The following DNASE1L3 variants were observed in gnomAD, a reference collection of about 807,000 sequenced individuals.
The protein encoded by DNASE1L3 is deoxyribonuclease 1L3.
A neutral mutation model predicts 30.9 loss-of-function variants in DNASE1L3; 27 were observed. The observed-to-expected ratio is 0.87, with a 90% CI of 0.64 to 1.20. The LOEUF (loss-of-function observed/expected upper bound fraction) is 1.20. DNASE1L3 is among the 50% of genes most tolerant of loss of function. DNASE1L3 has a pLI of 0.00. For missense variants in DNASE1L3, 364 were observed against 378.2 expected (o/e 0.96, Z 0.31); for synonymous variants, 135 against 138.0 (o/e 0.98, Z 0.15).
intron 5 of DNASE1L3, among the ~76,000 whole-genome samples, chr3:58,198,416 G>A (rs753929308): frequency 6.2e-4 from 94 of 152,296 alleles, no homozygotes; most frequent in South Asian, 1.4e-3. Context: ...CCTCCAGAAC[G>A]GTGACGAACT....
chr3:58,195,969 A>C (rs2097397075), intron 6 of DNASE1L3, among the ~76,000 whole-genome samples: 2 of 152,198 alleles, frequency 1.3e-5, no homozygotes, highest in South Asian at 4.1e-4. Context: ...TCTACCCCTG[A>C]CCTGATCTAC....
At chr3:58,195,545 A>T (rs1217979553) in intron 6 of DNASE1L3, among the ~76,000 whole-genome samples, 1 of 145,626 alleles carries the variant, frequency 6.9e-6, no homozygotes, top group Non-Finnish European at 1.5e-5. Context: ...AAGCAGGCGG[A>T]TCACCTGAGG....
chr3:58,208,676 T>C (rs773242873), intron 1 of DNASE1L3, among the ~76,000 whole-genome samples: 1 of 152,148 alleles, frequency 6.6e-6, no homozygotes, highest in Non-Finnish European at 1.5e-5. Flanking sequence ...ATTAAGCCCT[T>C]AGTAAGCAAA....
At chr3:58,193,075 C>CTTTTT (rs11289117) in intron 7 of DNASE1L3, 24 of 1,273,142 alleles carry the variant, frequency 1.9e-5, no homozygotes, top group Middle Eastern at 2.9e-4. Flanking sequence ...ATCAACCCAT[C>CTTTTT]TTTTTTTTTT....
In DNASE1L3 at chr3:58,192,663, G is replaced by A. The variant is rs571543105; in HGVS notation, c.*24C>T. The A allele has an allele frequency of 1.2e-6, 2 of 1,602,328 alleles. No homozygotes were observed. The highest frequency in any genetic ancestry group is 1.7e-5 in the Admixed American group (1 of 57,782). On this transcript the variant is annotated 3_prime_UTR_variant, in exon 8 of 8. Coordinates refer to ENST00000394549, the MANE Select transcript of DNASE1L3 (RefSeq NM_004944.4). The surrounding 1 kb of genome is among the most constrained non-coding windows in gnomAD (Gnocchi z 4.8). Reference sequence around the variant, plus strand: ...ACATTTTATTTAGAGGCAAGAAATGGTTAATAAGATGAGACCCTTGGGTCT... The same window carrying A: ...ACATTTTATTTAGAGGCAAGAAATGATTAATAAGATGAGACCCTTGGGTCT...
intron 1 of DNASE1L3, among the ~76,000 whole-genome samples, chr3:58,210,272 GAAAA>G (rs2097406912): frequency 6.6e-6 from 1 of 151,730 alleles, no homozygotes; most frequent in Non-Finnish European, 1.5e-5. Flanking sequence ...GAGAAAGAAA[GAAAA>G]GAAAGAAAGA....
intron 6 of DNASE1L3, among the ~76,000 whole-genome samples, chr3:58,196,986 A>C (rs571524869): frequency 6.6e-6 from 1 of 152,342 alleles, no homozygotes; most frequent in South Asian, 2.1e-4. Context: ...GAGGATATTG[A>C]TTTTAGCAGT....
At position 58,195,359 on chromosome 3, in the gene DNASE1L3, G is replaced by A. The variant is rs573668719; in HGVS notation, c.705-1920C>T. On this transcript the variant is annotated intron_variant, in intron 6 of 7. Coordinates refer to ENST00000394549, the MANE Select transcript of DNASE1L3 (RefSeq NM_004944.4). ...GAGTGCCGTGGCTATTCACAGGCATGTGATCATGTTGCTCTAAAGCCTTGA... is the reference window on the plus strand; with the variant it reads ...GAGTGCCGTGGCTATTCACAGGCATATGATCATGTTGCTCTAAAGCCTTGA... Among the ~76,000 whole-genome samples, 5 of 152,198 alleles carry A rather than the reference G, an allele frequency of 3.3e-5. No homozygotes were observed. The East Asian group carries it at 7.7e-4, about 24-fold the overall frequency.
At chr3:58,203,409 T>A (rs571719421) in intron 4 of DNASE1L3, among the ~76,000 whole-genome samples, 20 of 152,202 alleles carry the variant, frequency 1.3e-4, no homozygotes, top group Non-Finnish European at 2.1e-4. Context: ...TGTCACCTCC[T>A]CTGTCTTGTC....
At chr3:58,204,633 G>A (rs899938133) in intron 4 of DNASE1L3, 136 bp downstream of exon 4, 23 of 692,524 alleles carry the variant, frequency 3.3e-5, no homozygotes, top group Middle Eastern at 4.0e-4. Flanking sequence ...GAACTGCATC[G>A]TCTACATTGA....
intron 7 of DNASE1L3, chr3:58,193,030 A>G: frequency 1.4e-6 from 2 of 1,429,996 alleles, no homozygotes; most frequent in Non-Finnish European, 1.8e-6. Flanking sequence ...CTAGTGCCCA[A>G]TGTTGTGTCT....
In DNASE1L3 at chr3:58,199,050, T is replaced by C. The variant is rs376882202; in HGVS notation, c.547-1072A>G. On this transcript the variant is annotated intron_variant, in intron 5 of 7. Coordinates refer to ENST00000394549, the MANE Select transcript of DNASE1L3 (RefSeq NM_004944.4). ...AGATTTCCTTGTTTGTGCTATTGTT[T>C]GGTGGGGCATTGCTGACTTCAGAGT... is the stretch of plus-strand genomic sequence containing the variant. 3.5e-4 allele frequency among the ~76,000 whole-genome samples: 53 copies of C among 152,328 alleles called. No individual in the cohort carries two copies. The South Asian group carries it at 3.9e-3, about 11-fold the overall frequency.
At chr3:58,196,083 C>T (rs1332098509) in intron 6 of DNASE1L3, among the ~76,000 whole-genome samples, 2 of 152,162 alleles carry the variant, frequency 1.3e-5, no homozygotes, top group African/African-American at 2.4e-5. Flanking sequence ...GACCTACCCA[C>T]GGGCACACAA....
chr3:58,203,454 A>G (rs866127130), intron 4 of DNASE1L3, among the ~76,000 whole-genome samples: 1 of 152,134 alleles, frequency 6.6e-6, no homozygotes, highest in African/African-American at 2.4e-5. Flanking sequence ...CATAGTAGGT[A>G]CTGAAAAAAT....
rs1413720508 is a variant in DNASE1L3 at position 58,192,630 on chromosome 3, T to C, written c.*57A>G. ...CTAAGTACAGGGAGCAGTTCATATCTGTTAGAGACATTTTATTTAGAGGCA... is the reference window on the plus strand; with the variant it reads ...CTAAGTACAGGGAGCAGTTCATATCCGTTAGAGACATTTTATTTAGAGGCA... On this transcript the variant is annotated 3_prime_UTR_variant, in exon 8 of 8. Coordinates refer to ENST00000394549, the MANE Select transcript of DNASE1L3 (RefSeq NM_004944.4). The surrounding 1 kb of genome is among the most constrained non-coding windows in gnomAD (Gnocchi z 4.8). 1 of 1,534,910 alleles carries C rather than the reference T, an allele frequency of 6.5e-7. No homozygotes were observed. The highest frequency in any genetic ancestry group is 1.4e-5 in the African/African-American group (1 of 72,088).
chr3:58,201,948 T>G (rs2097400903), intron 4 of DNASE1L3, among the ~76,000 whole-genome samples: 1 of 152,212 alleles, frequency 6.6e-6, no homozygotes, highest in African/African-American at 2.4e-5. Flanking sequence ...AGCATTCTGT[T>G]TCTAAATAAA....
At chr3:58,206,525 G>A (rs774474848) in intron 2 of DNASE1L3, among the ~76,000 whole-genome samples, 5 of 152,208 alleles carry the variant, frequency 3.3e-5, no homozygotes, top group Non-Finnish European at 7.3e-5. Context: ...ACTGCTTGTG[G>A]TGACTCAGTT....
chr3:58,207,542 T>A (rs1315468713), intron 2 of DNASE1L3, among the ~76,000 whole-genome samples: 1 of 150,428 alleles, frequency 6.6e-6, no homozygotes, highest in Non-Finnish European at 1.5e-5. Context: ...ACACCCTTAT[T>A]CATGTAACAT....
chr3:58,199,515 T>A (rs1398441727), intron 5 of DNASE1L3, among the ~76,000 whole-genome samples: 2 of 151,964 alleles, frequency 1.3e-5, no homozygotes, highest in Non-Finnish European at 2.9e-5. Flanking sequence ...ATTAAAAATA[T>A]AAAAATTAGC....
Sources: gnomAD v4.1 joint callset for allele counts (sites outside exome capture counted in the v4.1 genomes callset) on GRCh38, gnomAD v4.1.1 for gene constraint, Gnocchi (gnomAD v3.1) non-coding constraint, MANE v1.5 for transcripts, NCBI Gene and HGNC (gene_info 2026-07-23, HGNC 2026-07-21) for gene names.